Variants in OR10J1 observed in about 807,000 individuals in gnomAD.
OR10J1 encodes olfactory receptor family 10 subfamily J member 1.
For missense variants in OR10J1, 474 were observed against 376.6 expected, an observed-to-expected ratio of 1.26 and a Z score of -2.14; for synonymous variants, 202 against 143.8, an observed-to-expected ratio of 1.40 and a Z score of -2.89.
At chr1:159,430,019 G>C in the OR10J1 span, among the ~76,000 whole-genome samples, 1 of 152,070 alleles carries the variant, frequency 6.6e-6, no homozygotes, top group African/African-American at 2.4e-5. Flanking sequence ...AGGACTTGAT[G>C]CAGGGATTCT....
chr1:159,420,853 C>T, the OR10J1 span, among the ~76,000 whole-genome samples: 1 of 152,036 alleles, frequency 6.6e-6, no homozygotes, highest in Admixed American at 6.6e-5. Context: ...TGACTTTTGA[C>T]ATTTTGAGTA....
the OR10J1 span, among the ~76,000 whole-genome samples, chr1:159,424,322 T>G: frequency 6.6e-6 from 1 of 151,266 alleles, no homozygotes; most frequent in Non-Finnish European, 1.5e-5. Flanking sequence ...TTTATATATG[T>G]GTTAATATGC....
At chr1:159,420,262 T>C in the OR10J1 span, among the ~76,000 whole-genome samples, 1 of 152,194 alleles carries the variant, frequency 6.6e-6, no homozygotes, top group Non-Finnish European at 1.5e-5. Flanking sequence ...GGTCATATTG[T>C]TTATTCTACT....
upstream of OR10J1, among the ~76,000 whole-genome samples, chr1:159,437,179 G>T (rs1558009289): frequency 6.6e-6 from 1 of 152,124 alleles, no homozygotes; most frequent in South Asian, 2.1e-4. Flanking sequence ...GAAAAATCCG[G>T]GTAAAGAGAA....
At chr1:159,405,913 C>T in the OR10J1 span, 75 of 537,880 alleles carry the variant, frequency 1.4e-4, no homozygotes, top group Non-Finnish European at 6.7e-5. Context: ...AATAGCCATG[C>T]CCAGGCCAAT....
chr1:159,412,315 T>G, the OR10J1 span, among the ~76,000 whole-genome samples: 15 of 146,752 alleles, frequency 1.0e-4, no homozygotes, highest in African/African-American at 3.8e-4. Flanking sequence ...AATGACTTTC[T>G]TCACAGAATT....
chr1:159,438,413 T>C (rs1655801413), upstream of OR10J1, among the ~76,000 whole-genome samples: 2 of 152,226 alleles, frequency 1.3e-5, no homozygotes, highest in African/African-American at 4.8e-5. Context: ...GTGCTCATTA[T>C]TGTAACAGTT....
chr1:159,404,607 G>T, the OR10J1 span, among the ~76,000 whole-genome samples: 344 of 152,214 alleles, frequency 2.3e-3, 17 homozygotes, highest in East Asian at 0.061. Context: ...GGGTAGACAC[G>T]CTTCATAGAA....
chr1:159,402,503 C>A, the OR10J1 span, among the ~76,000 whole-genome samples: 18 of 151,978 alleles, frequency 1.2e-4, no homozygotes, highest in Admixed American at 3.9e-4. Context: ...AAAAAAATCC[C>A]ATTTACAATA....
At chr1:159,406,936 C>A in the OR10J1 span, among the ~76,000 whole-genome samples, 52 of 152,130 alleles carry the variant, frequency 3.4e-4, no homozygotes, top group Admixed American at 2.8e-3. Flanking sequence ...ATGACTAGTG[C>A]AAGGCCAGGC....
chr1:159,436,701 C>G (rs539614259), upstream of OR10J1, among the ~76,000 whole-genome samples: 2 of 151,530 alleles, frequency 1.3e-5, no homozygotes, highest in African/African-American at 4.9e-5. Context: ...TTCCTTAAGA[C>G]GCCACTTGCT....
the OR10J1 span, among the ~76,000 whole-genome samples, chr1:159,399,366 T>C: frequency 6.6e-6 from 1 of 151,638 alleles, no homozygotes; most frequent in Non-Finnish European, 1.5e-5. Context: ...GGTCAGGAGA[T>C]TGAGACCATC....
At chr1:159,438,563 T>A (rs1185477298), upstream of OR10J1, among the ~76,000 whole-genome samples, 3 of 152,262 alleles carry the variant, frequency 2.0e-5, no homozygotes, top group African/African-American at 7.2e-5. Context: ...AATGATTTTC[T>A]TTATTGGAAA....
At chr1:159,399,355 A>G in the OR10J1 span, among the ~76,000 whole-genome samples, 1 of 152,066 alleles carries the variant, frequency 6.6e-6, no homozygotes, top group African/African-American at 2.4e-5. Context: ...GCAGATCACA[A>G]GGTCAGGAGA....
chr1:159,417,277 C>T, the OR10J1 span, among the ~76,000 whole-genome samples: 3 of 152,010 alleles, frequency 2.0e-5, no homozygotes, highest in South Asian at 6.2e-4. Context: ...TTATTTCTTT[C>T]AATAAATCTT....
chr1:159,399,084 G>A, the OR10J1 span, among the ~76,000 whole-genome samples: 3 of 151,940 alleles, frequency 2.0e-5, no homozygotes, highest in Non-Finnish European at 4.4e-5. Flanking sequence ...ACTACATCTG[G>A]CAGTGGACTT....
At chr1:159,418,739 T>A in the OR10J1 span, among the ~76,000 whole-genome samples, 3 of 152,268 alleles carry the variant, frequency 2.0e-5, no homozygotes, top group African/African-American at 7.2e-5. Flanking sequence ...ATGGTAGATC[T>A]ACCAACAGCT....
the OR10J1 span, among the ~76,000 whole-genome samples, chr1:159,413,148 C>G: frequency 6.6e-6 from 1 of 152,216 alleles, no homozygotes; most frequent in Non-Finnish European, 1.5e-5. Flanking sequence ...GATACCACCT[C>G]ACACTTGTTA....
At chr1:159,420,919 C>G in the OR10J1 span, among the ~76,000 whole-genome samples, 1 of 152,004 alleles carries the variant, frequency 6.6e-6, no homozygotes, top group Non-Finnish European at 1.5e-5. Context: ...TTTGAGACTC[C>G]TGTATCTTGA....
Sources: gnomAD v4.1 joint callset for allele counts (sites outside exome capture counted in the v4.1 genomes callset) on GRCh38, gnomAD v4.1.1 for gene constraint, MANE v1.5 for transcripts, NCBI Gene and HGNC (gene_info 2026-07-23, HGNC 2026-07-21) for gene names.